The following WDR87 variants were observed in gnomAD, a reference collection of about 807,000 sequenced individuals.
The protein encoded by WDR87 is WD repeat-containing protein 87.
A neutral mutation model predicts 83.3 loss-of-function variants in WDR87; 56 were observed. The ratio of observed to expected loss-of-function variants is 0.67; its 90% confidence interval spans 0.54 to 0.84. The LOEUF (loss-of-function observed/expected upper bound fraction) is 0.84. WDR87 is among the 40% of genes least tolerant of loss of function. The pLI, the probability that WDR87 is intolerant of heterozygous loss-of-function variation, is 0.00. For synonymous variants in WDR87, 1,173 were observed against 1,250.6 expected, an observed-to-expected ratio of 0.94 and a Z score of 1.31; for missense variants, 2,939 against 3,431.9, an observed-to-expected ratio of 0.86 and a Z score of 3.59.
Position 37,889,360 on chromosome 19 carries a change from C to T in WDR87, c.4311G>A (p.Lys1437=). 1 of 1,551,754 alleles carries T rather than the reference C, an allele frequency of 6.4e-7. No individual in the cohort carries two copies. Among genetic ancestry groups the T allele is most frequent in the Non-Finnish European group, 8.7e-7 (1 of 1,147,040 alleles). The change falls in exon 6 of 6, where the codon AAG becomes AAA. Residue 1437 remains lysine, a synonymous_variant. Coordinates refer to ENST00000447313, the MANE Select transcript of WDR87 (RefSeq NM_001291088.2). ...CAGCTTTCCTCCCTTGCTTAGGTGA[C>T]TTCTGAAAGGTTTTCTTCTCTTCTT... ...SKKEEKKTFQ[K]SPKQGRKAVQ... is the part of the protein sequence containing the mutation.
chr19:37,893,082 G>C lies in WDR87; in HGVS notation c.2621C>G (p.Thr874Arg), dbSNP rs752515628. ...CTCCTCCTTATTCTTTGGATATTCT[G>C]TATTACTTATAGCTCTTACCCTGCT... is the stretch of plus-strand genomic sequence containing the variant. ...WHSRVRAISN[T>R]EYPKNKEEDE... is the part of the protein sequence containing the mutation. Residue 874 changes from threonine to arginine, a missense_variant, in exon 4 of 6, where the codon ACA becomes AGA. Around this residue, in one of 3 missense-constraint regions of WDR87, gnomAD observed 2,160 missense variants for 2,533.1 expected, o/e 0.85. Coordinates refer to ENST00000447313, the MANE Select transcript of WDR87 (RefSeq NM_001291088.2). 3.9e-6 allele frequency: 6 copies of C among 1,551,700 alleles called. No homozygotes were observed. The Admixed American group carries it at 9.8e-5, about 25-fold the overall frequency.
chr19:37,884,844 AG>A lies in WDR87; in HGVS notation c.*87del. 2 of 1,043,462 alleles carry A rather than the reference AG, an allele frequency of 1.9e-6. No homozygotes were observed. The highest frequency in any genetic ancestry group is 1.2e-6 in the Non-Finnish European group (1 of 806,636). 64.6% of individuals were successfully genotyped at this position (1,043,462 alleles called of 1,614,324 possible). A position where few individuals can be genotyped will look rare whatever the true frequency, so the allele number is the denominator to read the frequency against. ...ACACCGTCTCAAAAAAAAAAAAAAG[AG>A]AGAGAGAGAGATGAAGGTCTAGATC... On this transcript the variant is annotated 3_prime_UTR_variant, in exon 6 of 6. Transcript: ENST00000447313.
chr19:37,885,518 G>A lies in WDR87; in HGVS notation c.8153C>T (p.Ala2718Val), dbSNP rs1454392271. The A allele has an allele frequency of 1.5e-5, 23 of 1,551,530 alleles. No individual in the cohort carries two copies. The highest frequency in any genetic ancestry group is 2.0e-5 in the Non-Finnish European group (23 of 1,146,996). Residue 2718 changes from alanine (A) to valine (V), a missense_variant, in exon 6 of 6, where the codon GCC (alanine) becomes GTC (valine). Ala to Val is a moderately conservative substitution (Grantham distance 64). Transcript: ENST00000447313. ...TGCCAGGGTTTGTTTTTCCACAGAG[G>A]CATGGGCACTTGGAAAAATGTCTCT... is the stretch of plus-strand genomic sequence containing the variant. ...ATRDIFPSAH[A>V]SVEKQTLALM...
chr19:37,906,048 A>G (rs1255408362), intron 1 of WDR87, among the ~76,000 whole-genome samples: 2 of 152,146 alleles, frequency 1.3e-5, no homozygotes, highest in African/African-American at 2.4e-5. Context: ...TCCCAGCTTC[A>G]AGTGTTAGTG....
chr19:37,885,190 G>A lies in WDR87; in HGVS notation c.8481C>T (p.Tyr2827=), dbSNP rs62110235. Residue 2827 remains tyrosine (Y), a synonymous_variant, in exon 6 of 6, where the codon TAC becomes TAT. Transcript: ENST00000447313. ...REEPQPQEII[Y]EEALKATELV... ...GCTCTGTGGCTTTTAGGGCCTCTTC[G>A]TAGATGATCTCTTGGGGTTGAGGTT... is the stretch of plus-strand genomic sequence containing the variant. 67,439 of 1,474,988 alleles carry A rather than the reference G, an allele frequency of 0.046. 1,774 individuals are homozygous for A. Among genetic ancestry groups the A allele is most frequent in the East Asian group, 0.1 (4,235 of 40,426 alleles). The allele number at this position is 1,474,988 out of a possible 1,614,324, so 91.4% of individuals were successfully genotyped here.
Position 37,885,051 on chromosome 19 carries a change from T to G in WDR87, c.8620A>C (p.Thr2874Pro). Residue 2874 changes from threonine to proline, a missense_variant, in exon 6 of 6, where the codon ACC (threonine) becomes CCC (proline). Coordinates refer to ENST00000447313, the MANE Select transcript of WDR87 (RefSeq NM_001291088.2). Reference protein sequence around the residue: ...VPLPWQNCVRTILPVGIARYG... With the variant: ...VPLPWQNCVRPILPVGIARYG... ...CGGGCAATGCCCACGGGAAGGATGG[T>G]GCGCACACAGTTCTGCCATGGGAGG... The G allele has an allele frequency of 6.8e-7, 1 of 1,469,798 alleles. No homozygotes were observed. The highest frequency in any genetic ancestry group is 9.0e-7 in the Non-Finnish European group (1 of 1,109,340). 91.0% of individuals were successfully genotyped at this position (1,469,798 alleles called of 1,614,324 possible). A position where few individuals can be genotyped will look rare whatever the true frequency, so the allele number is the denominator to read the frequency against.
At position 37,886,333 on chromosome 19, in the gene WDR87, T is replaced by C; in HGVS notation, c.7338A>G (p.Pro2446=). ...CCCAGGATATTTGTTTCTCCGGCAC[T>C]GGCACTGGTGTTTTCTCTTTCATCT... ...ALEMKEKTPV[P]VPEKQISWED... The change falls in exon 6 of 6, where the codon CCA becomes CCG. Residue 2446 remains proline, a synonymous_variant. Coordinates refer to ENST00000447313, the MANE Select transcript of WDR87 (RefSeq NM_001291088.2). 1 of 1,551,648 alleles carries C rather than the reference T, an allele frequency of 6.4e-7. No individual in the cohort carries two copies.
At chr19:37,896,934 C>T (rs914539791) in intron 2 of WDR87, among the ~76,000 whole-genome samples, 7 of 152,114 alleles carry the variant, frequency 4.6e-5, no homozygotes, top group East Asian at 1.9e-4. Flanking sequence ...CTAACATTCT[C>T]GCTTGTGTGT....
chr19:37,888,130 C>A lies in WDR87; in HGVS notation c.5541G>T (p.Lys1847Asn). ...CCCTTTTTTGGGCCAGTTTCATCTT[C>A]TTCTCAATCAATTGCTCCCTTTTCC... is the stretch of plus-strand genomic sequence containing the variant. ...LGRKREQLIE[K>N]KMKLAQKRER... The change falls in exon 6 of 6, where the codon AAG (lysine) becomes AAT (asparagine). Residue 1847 changes from lysine to asparagine, a missense_variant. By Grantham distance (94) the Lys-to-Asn change is moderately conservative (BLOSUM62 0). Around this residue, in one of 3 missense-constraint regions of WDR87, gnomAD observed 2,160 missense variants for 2,533.1 expected, o/e 0.85. Coordinates refer to ENST00000447313, the MANE Select transcript of WDR87 (RefSeq NM_001291088.2). The A allele has an allele frequency of 1.3e-6, 2 of 1,551,960 alleles. No individual in the cohort carries two copies. The highest frequency in any genetic ancestry group is 1.7e-6 in the Non-Finnish European group (2 of 1,147,058).
At position 37,892,848 on chromosome 19, in the gene WDR87, T is replaced by C; in HGVS notation, c.2855A>G (p.Gln952Arg). The change falls in exon 4 of 6, where the codon CAG becomes CGG. Residue 952 changes from glutamine (Q) to arginine (R), a missense_variant. Gln to Arg is a conservative substitution (Grantham distance 43). Coordinates refer to ENST00000447313, the MANE Select transcript of WDR87 (RefSeq NM_001291088.2). ...GALGQIFASY[Q>R]VSPALRSETA... is the part of the protein sequence containing the mutation. ...CTCAGAGCGTAGGGCTGGGGACACC[T>C]GGTAAGAGGCAAAGATTTGCCCTAG... The C allele has an allele frequency of 6.4e-7, 1 of 1,551,854 alleles. No homozygotes were observed. Among genetic ancestry groups the C allele is most frequent in the Non-Finnish European group, 8.7e-7 (1 of 1,147,028 alleles).
intron 1 of WDR87, among the ~76,000 whole-genome samples, chr19:37,901,652 T>C (rs1007935183): frequency 3.9e-5 from 6 of 152,146 alleles, no homozygotes; most frequent in African/African-American, 1.4e-4. Flanking sequence ...TGGGGGAATA[T>C]TTCTAGGTGA....
intron 2 of WDR87, 122 bp from the exon 3 acceptor site, chr19:37,896,430 G>T: frequency 1.0e-6 from 1 of 978,436 alleles, no homozygotes. Flanking sequence ...ACCTACTCCT[G>T]TTACACTCAC....
chr19:37,895,075 G>C lies in WDR87; in HGVS notation c.628C>G (p.Leu210Val), dbSNP rs1190951875. The change falls in exon 4 of 6, where the codon CTC (leucine) becomes GTC (valine). Residue 210 changes from leucine to valine, a missense_variant. Physicochemically the swap from Leu to Val is conservative, Grantham distance 32. Transcript: ENST00000447313. ...ACCACCGTCTCACACAGGGCCAGGA[G>C]GGAGCCACTGGGACCATTCAGCACG... Reference protein sequence around the residue: ...DIVLNGPSGSLLALCETVVRV... With the variant: ...DIVLNGPSGSVLALCETVVRV... The C allele has an allele frequency of 6.4e-7, 1 of 1,551,608 alleles. No individual in the cohort carries two copies. The highest frequency in any genetic ancestry group is 1.4e-5 in the African/African-American group (1 of 73,052).
intron 1 of WDR87, among the ~76,000 whole-genome samples, chr19:37,903,637 C>T (rs931907774): frequency 2.0e-5 from 3 of 151,746 alleles, no homozygotes; most frequent in African/African-American, 7.3e-5. Flanking sequence ...TCAAGTGATC[C>T]TTCTGCCTTA....
chr19:37,886,252 A>G lies in WDR87; in HGVS notation c.7419T>C (p.Asp2473=). 3 of 1,551,626 alleles carry G rather than the reference A, an allele frequency of 1.9e-6. No homozygotes were observed. Among genetic ancestry groups the G allele is most frequent in the Non-Finnish European group, 2.6e-6 (3 of 1,146,982 alleles). ...ATTTTCCCATCACTTCTCTTTCTTTATCCATTGTCCCTAAGAATTTCCTGG... is the reference window on the plus strand; with the variant it reads ...ATTTTCCCATCACTTCTCTTTCTTTGTCCATTGTCCCTAAGAATTTCCTGG... The part of the protein sequence containing the change: ...EIPRKFLGTM[D]KEREVMGKYE... The change falls in exon 6 of 6, where the codon GAT becomes GAC. Residue 2473 remains aspartate (D), a synonymous_variant. Coordinates refer to ENST00000447313, the MANE Select transcript of WDR87 (RefSeq NM_001291088.2).
In WDR87 at chr19:37,893,800, A is replaced by T. The variant is rs1217061720; in HGVS notation, c.1903T>A (p.Phe635Ile). ...AGAATGCCTATGAGTCTGCCATGGAAGTCCCAGATCCGAACAGAGCCATCG... is the reference window on the plus strand; with the variant it reads ...AGAATGCCTATGAGTCTGCCATGGATGTCCCAGATCCGAACAGAGCCATCG... The part of the protein sequence containing the change: ...SADGSVRIWD[F>I]HGRLIGILDS... The change falls in exon 4 of 6, where the codon TTC becomes ATC. Residue 635 changes from phenylalanine to isoleucine, a missense_variant. Physicochemically the swap from Phe to Ile is conservative, Grantham distance 21 (BLOSUM62 0). Around this residue, in one of 3 missense-constraint regions of WDR87, gnomAD observed 553 missense variants for 577.9 expected, o/e 0.96. Transcript: ENST00000447313. The T allele has an allele frequency of 1.9e-6, 3 of 1,551,610 alleles. No individual in the cohort carries two copies. The highest frequency in any genetic ancestry group is 2.6e-6 in the Non-Finnish European group (3 of 1,147,016).
rs199871914 is a variant in WDR87, at chr19:37,889,978, G to A, written c.3693C>T (p.His1231=). The change falls in exon 6 of 6, where the codon CAC becomes CAT. Residue 1231 remains histidine, a synonymous_variant. Coordinates refer to ENST00000447313, the MANE Select transcript of WDR87 (RefSeq NM_001291088.2). ...KATAQKLKKK[H]KKKGKEAKVI... ...CTTTGGCTTCTTTTCCCTTCTTTTT[G>A]TGCTTCTTTTTGAGTTTCTGAGCTG... 1.7e-5 allele frequency: 27 copies of A among 1,551,390 alleles called. No individual in the cohort carries two copies. The highest frequency in any genetic ancestry group is 3.6e-5 in the South Asian group (3 of 84,050).
intron 1 of WDR87, among the ~76,000 whole-genome samples, chr19:37,899,302 C>T (rs1357341645): frequency 2.0e-5 from 3 of 151,120 alleles, no homozygotes; most frequent in African/African-American, 7.3e-5. Flanking sequence ...CCCTGTAATC[C>T]CAGCTACTCT....
chr19:37,902,034 A>G (rs1014407805), intron 1 of WDR87, among the ~76,000 whole-genome samples: 1 of 148,468 alleles, frequency 6.7e-6, no homozygotes, highest in Non-Finnish European at 1.5e-5. Context: ...TTATTTATTT[A>G]TTTATTTATT....
Sources: allele counts gnomAD v4.1 joint callset (sites outside exome capture counted in the v4.1 genomes callset), GRCh38; gene constraint gnomAD v4.1.1; regional missense constraint gnomAD v4.1.1; transcripts MANE v1.5; gene names NCBI Gene and HGNC (gene_info 2026-07-23, HGNC 2026-07-21).